Variants in ABLIM2 observed in about 807,000 individuals in gnomAD.
ABLIM2 encodes actin-binding LIM protein 2.
ABLIM2 carries 53 observed loss-of-function variants against 97.7 expected under a neutral mutation model. That is an observed-to-expected ratio of 0.54 (90% CI 0.44 to 0.68). ABLIM2 has a LOEUF of 0.68. Ranked by LOEUF, ABLIM2 falls within the 30% of genes least tolerant of loss-of-function variation. The pLI is 0.00. For missense variants in ABLIM2, 835 were observed against 867.2 expected, an observed-to-expected ratio of 0.96 and a Z score of 0.47; for synonymous variants, 361 against 345.8, an observed-to-expected ratio of 1.04 and a Z score of -0.49.
intron 3 of ABLIM2, among the ~76,000 whole-genome samples, chr4:8,096,585 T>C (rs928820438): frequency 2.6e-5 from 4 of 152,246 alleles, no homozygotes; most frequent in Non-Finnish European, 5.9e-5. Context: ...GGAAACAACA[T>C]TGAAAACGTC....
rs144032094 is a variant in ABLIM2, at chr4:8,002,158, C to A, written c.1618+5901G>T. Among the ~76,000 whole-genome samples, 1 of 152,162 alleles carries A rather than the reference C, an allele frequency of 6.6e-6. No homozygotes were observed. The highest frequency in any genetic ancestry group is 2.4e-5 in the African/African-American group (1 of 41,430). ...CCAGTCCCATCTGGGAGCCGGGGACCCTCAGTCTCTGCCTCCAGCCTGGAC... is the reference window on the plus strand; with the variant it reads ...CCAGTCCCATCTGGGAGCCGGGGACACTCAGTCTCTGCCTCCAGCCTGGAC... On this transcript the variant is annotated intron_variant, in intron 16 of 20. Transcript: ENST00000447017. This position sits in a 1 kb window ranked among gnomAD's most constrained non-coding sequence, Gnocchi z 6.1.
In ABLIM2 at chr4:7,992,904, G is replaced by T. The variant is rs1023909718; in HGVS notation, c.1642C>A (p.Pro548Thr). ...HSRFPYSKSD[P>T]LPGHGKNGLD... ...CCATTCTTTCCATGTCCTGGGAGAG[G>T]GTCAGATTTGGAATAGGGGAATCCT... The change falls in exon 17 of 21, where the codon CCT becomes ACT. Residue 548 changes from proline (P) to threonine (T), a missense_variant. Transcript: ENST00000447017. This position sits in a 1 kb window ranked among gnomAD's most constrained non-coding sequence, Gnocchi z 5.7. 6.2e-7 allele frequency: 1 copy of T among 1,613,148 alleles called. No homozygotes were observed. Among genetic ancestry groups the T allele is most frequent in the Admixed American group, 1.7e-5 (1 of 59,958 alleles).
At chr4:8,035,851 T>G (rs1234032951) in intron 10 of ABLIM2, among the ~76,000 whole-genome samples, 1 of 152,374 alleles carries the variant, frequency 6.6e-6, no homozygotes, top group South Asian at 2.1e-4. Context: ...AGATTTTCAC[T>G]GAGTCACTAT....
Position 8,027,623 on chromosome 4 carries a change from G to T in ABLIM2, c.1267+136C>A, listed in dbSNP as rs975407509. 6.8e-6 allele frequency: 4 copies of T among 585,074 alleles called. No individual in the cohort carries two copies. In the African/African-American group the frequency reaches 7.8e-5, roughly 11 times the overall value. 36.2% of individuals were successfully genotyped at this position (585,074 alleles called of 1,614,324 possible). On this transcript the variant is annotated intron_variant, in intron 12 of 20. Transcript: ENST00000447017. ...TGGACACACGGAGCCAGACACACAA[G>T]ACACACACAGAGAGGGGCACAGGGC...
rs990108687 is a variant in ABLIM2 at position 8,120,161 on chromosome 4, C to T, written c.11-13524G>A. Among the ~76,000 whole-genome samples the T allele has an allele frequency of 1.6e-4, 24 of 152,142 alleles. No individual in the cohort carries two copies. The highest frequency in any genetic ancestry group is 3.1e-4 in the Non-Finnish European group (21 of 68,008). On this transcript the variant is annotated intron_variant, in intron 1 of 20. Transcript: ENST00000447017. The surrounding 1 kb of genome is among the most constrained non-coding windows in gnomAD (Gnocchi z 5.6). ...GAAGAGAAAAACAGCCCAGCGGCCA[C>T]GCTGCCCCTTCCTCCCAGAAGAGGA...
chr4:8,079,668 A>G (rs1577313289), intron 5 of ABLIM2, among the ~76,000 whole-genome samples: 1 of 151,966 alleles, frequency 6.6e-6, no homozygotes, highest in African/African-American at 2.4e-5. Flanking sequence ...ATTAGTATAC[A>G]CCCTCAGCCA....
chr4:8,152,781 G>C (rs1017437233), intron 1 of ABLIM2, among the ~76,000 whole-genome samples: 1 of 152,188 alleles, frequency 6.6e-6, no homozygotes, highest in African/African-American at 2.4e-5. Flanking sequence ...ACCTCTGTGA[G>C]CCTCTACCAC....
At chr4:7,989,334 C>T in intron 17 of ABLIM2, 2 of 905,462 alleles carry the variant, frequency 2.2e-6, no homozygotes, top group Non-Finnish European at 2.6e-6. Context: ...CCACCTCGGC[C>T]TCGCAGAGTG....
intron 16 of ABLIM2, chr4:8,007,833 G>A (rs1762405993): frequency 7.4e-7 from 1 of 1,343,968 alleles, no homozygotes; most frequent in Admixed American, 3.3e-5. Flanking sequence ...GGGACATGCA[G>A]GCGTGGCCCT....
At chr4:8,029,840 C>T (rs1579122189) in intron 10 of ABLIM2, 64 bp from the exon 11 acceptor site, 2 of 1,524,096 alleles carry the variant, frequency 1.3e-6, no homozygotes, top group African/African-American at 1.4e-5. Context: ...CTTGTCCACC[C>T]ATCCCCCGAC....
chr4:8,083,612 G>A lies in ABLIM2; in HGVS notation c.455-2810C>T, dbSNP rs1027716260. On this transcript the variant is annotated intron_variant, in intron 4 of 20. Transcript: ENST00000447017. This position sits in a 1 kb window ranked among gnomAD's most constrained non-coding sequence, Gnocchi z 4.6. ...GATGAGAGCAAGGTGCAAAAGGAGC[G>A]TTGCCATGGAAACCACATCCTCACT... Among the ~76,000 whole-genome samples, 8 of 152,328 alleles carry A rather than the reference G, an allele frequency of 5.3e-5. No individual in the cohort carries two copies. Among genetic ancestry groups the A allele is most frequent in the South Asian group, 4.1e-4 (2 of 4,824 alleles).
intron 1 of ABLIM2, among the ~76,000 whole-genome samples, chr4:8,117,599 G>GCAGCCTTCCTTCCTCT (rs1258345606): frequency 6.6e-6 from 1 of 151,460 alleles, no homozygotes; most frequent in Non-Finnish European, 1.5e-5. Flanking sequence ...TGCCACCACT[G>GCAGCCTTCCTTCCTCT]CAGCCTTCCT....
chr4:8,094,216 C>T (rs1419998228), intron 3 of ABLIM2, among the ~76,000 whole-genome samples: 1 of 152,090 alleles, frequency 6.6e-6, no homozygotes, highest in East Asian at 1.9e-4. Flanking sequence ...TTCATATTTC[C>T]TTAAAATACT....
In ABLIM2 at chr4:8,009,032, T is replaced by C. The variant is rs1410835129; in HGVS notation, c.1476+18A>G. The C allele has an allele frequency of 3.1e-6, 5 of 1,613,674 alleles. No individual in the cohort carries two copies. Among genetic ancestry groups the C allele is most frequent in the Non-Finnish European group, 4.2e-6 (5 of 1,179,684 alleles). On this transcript the variant is annotated intron_variant, in intron 15 of 20. Coordinates refer to ENST00000447017, the MANE Select transcript of ABLIM2 (RefSeq NM_001130083.2). ...CTGAGCAAGGCTGTTCTCAGCCAGA[T>C]CTGCTCCCTGGCATTACCTTCCTGT...
intron 1 of ABLIM2, among the ~76,000 whole-genome samples, chr4:8,141,550 T>C (rs1335531842): frequency 6.6e-6 from 1 of 152,250 alleles, no homozygotes; most frequent in Non-Finnish European, 1.5e-5. Context: ...TATGCTTTTT[T>C]ATTTTTTATT....
At chr4:7,973,075 CTGTGTGTG>C (rs71175444) in intron 20 of ABLIM2, among the ~76,000 whole-genome samples, 13 of 124,066 alleles carry the variant, frequency 1.0e-4, no homozygotes, top group East Asian at 6.7e-4. Context: ...GCTCCCCTTG[CTGTGTGTG>C]TGTGTGTGTG....
chr4:8,083,500 C>T lies in ABLIM2; in HGVS notation c.455-2698G>A, dbSNP rs988586367. Among the ~76,000 whole-genome samples, 1 of 152,208 alleles carries T rather than the reference C, an allele frequency of 6.6e-6. No homozygotes were observed. Among genetic ancestry groups the T allele is most frequent in the Non-Finnish European group, 1.5e-5 (1 of 68,038 alleles). On this transcript the variant is annotated intron_variant, in intron 4 of 20. Transcript: ENST00000447017. This position sits in a 1 kb window ranked among gnomAD's most constrained non-coding sequence, Gnocchi z 4.6. ...GCGCCCTCCCCTGCCAAGAAGCTCC[C>T]TTGACCTTGAGCTCCAAACTGCAGA...
rs1200086935 is a variant in ABLIM2, at chr4:8,061,307, A to G, written c.676-253T>C. 6.6e-6 allele frequency among the ~76,000 whole-genome samples: 1 copy of G among 152,066 alleles called. No individual in the cohort carries two copies. Among genetic ancestry groups the G allele is most frequent in the African/African-American group, 2.4e-5 (1 of 41,426 alleles). Reference sequence around the variant, plus strand: ...CTTGCCCAGCCTGCAGGAGCCCAGCATGCAGCTCCCTGCCGGGGTAGTCCA... The same window carrying G: ...CTTGCCCAGCCTGCAGGAGCCCAGCGTGCAGCTCCCTGCCGGGGTAGTCCA... On this transcript the variant is annotated intron_variant, in intron 6 of 20. Coordinates refer to ENST00000447017, the MANE Select transcript of ABLIM2 (RefSeq NM_001130083.2). This position sits in a 1 kb window ranked among gnomAD's most constrained non-coding sequence, Gnocchi z 4.5.
At chr4:8,024,264 C>A (rs1214558352) in intron 12 of ABLIM2, among the ~76,000 whole-genome samples, 3 of 152,182 alleles carry the variant, frequency 2.0e-5, no homozygotes, top group Non-Finnish European at 4.4e-5. Context: ...CCAGCCTGCA[C>A]TTCCTGCCCC....
Sources: allele counts gnomAD v4.1 joint callset (sites outside exome capture counted in the v4.1 genomes callset), GRCh38; gene constraint gnomAD v4.1.1; non-coding constraint Gnocchi (gnomAD v3.1); transcripts MANE v1.5; gene names NCBI Gene and HGNC (gene_info 2026-07-23, HGNC 2026-07-21).